RABGAP1L: variants seen among roughly 807,000 people sequenced by gnomAD.
RABGAP1L encodes RAB GTPase activating protein 1 like, also known as rab GTPase-activating protein 1-like.
In RABGAP1L, 63 loss-of-function variants were observed where a neutral mutation model predicts 137.7. The observed-to-expected ratio is 0.46, with a 90% CI of 0.37 to 0.56. The LOEUF is 0.56. RABGAP1L is among the 20% of genes least tolerant of loss of function. The pLI is 0.00. For missense variants in RABGAP1L, 1,095 were observed against 1,244.0 expected, an observed-to-expected ratio of 0.88 and a Z score of 1.80; for synonymous variants, 431 against 433.7, an observed-to-expected ratio of 0.99 and a Z score of 0.08.
intron 1 of RABGAP1L, among the ~76,000 whole-genome samples, chr1:174,202,638 A>G (rs1005007690): frequency 1.3e-5 from 2 of 152,192 alleles, no homozygotes; most frequent in Non-Finnish European, 2.9e-5. Flanking sequence ...TTTGCTGTGC[A>G]GTAGCTCTTT....
At position 174,296,575 on chromosome 1, in the gene RABGAP1L, A is replaced by G. The variant is rs113036117; in HGVS notation, c.1324-8411A>G. ...GCAGATTTGGTGTAATTCAGAAATT[A>G]TGCATCACTTGGTATTTTCTTTTTT... On this transcript the variant is annotated intron_variant, in intron 10 of 25. Coordinates refer to ENST00000681986, the MANE Select transcript of RABGAP1L (RefSeq NM_001366446.1). 1.2e-3 allele frequency among the ~76,000 whole-genome samples: 179 copies of G among 152,352 alleles called. 1 individual carries two copies. The highest frequency in any genetic ancestry group is 4.1e-3 in the African/African-American group (172 of 41,592).
intron 17 of RABGAP1L, among the ~76,000 whole-genome samples, chr1:174,722,898 A>G (rs1259679171): frequency 6.6e-6 from 1 of 152,104 alleles, no homozygotes; most frequent in Non-Finnish European, 1.5e-5. Flanking sequence ...CTCAGCCAAT[A>G]TTTTGGCTCT....
intron 13 of RABGAP1L, among the ~76,000 whole-genome samples, chr1:174,627,485 A>C (rs1673012282): frequency 6.6e-6 from 1 of 152,232 alleles, no homozygotes; most frequent in African/African-American, 2.4e-5. Context: ...CAGTTCATGT[A>C]ATACTCTTGA....
rs1656049550 is a variant in RABGAP1L, at chr1:174,456,452, G to A, written c.1710+62307G>A. The stretch of plus-strand genomic sequence containing the variant: ...TACTTTATGTTTTGAATTTTTTTTT[G>A]TAATAGATTTGCAATGTTGTTGAGT... On this transcript the variant is annotated intron_variant, in intron 13 of 25. Coordinates refer to ENST00000681986, the MANE Select transcript of RABGAP1L (RefSeq NM_001366446.1). Among the ~76,000 whole-genome samples, 3 of 151,608 alleles carry A rather than the reference G, an allele frequency of 2.0e-5. No individual in the cohort carries two copies. The South Asian group carries it at 6.2e-4, about 31-fold the overall frequency.
At chr1:174,804,274 G>GCTTTTTGTTTTT (rs1689043505) in intron 18 of RABGAP1L, among the ~76,000 whole-genome samples, 1 of 138,154 alleles carries the variant, frequency 7.2e-6, no homozygotes, top group East Asian at 2.2e-4. Context: ...GTTTTGTTTT[G>GCTTTTTGTTTTT]TTTTTTGTTT....
At chr1:174,970,465 A>T (rs940877335) in intron 21 of RABGAP1L, among the ~76,000 whole-genome samples, 4 of 152,244 alleles carry the variant, frequency 2.6e-5, no homozygotes, top group South Asian at 2.1e-4. Context: ...GGATGCAGTG[A>T]AATGAGCTAA....
chr1:174,613,507 T>G (rs145191201), intron 13 of RABGAP1L, among the ~76,000 whole-genome samples: 32,126 of 151,774 alleles, frequency 0.21, 3,713 homozygotes, highest in Admixed American at 0.25. Flanking sequence ...TAGGTGTGGT[T>G]TGGTGCTGAA....
intron 13 of RABGAP1L, among the ~76,000 whole-genome samples, chr1:174,542,202 A>G (rs369270159): frequency 2.0e-5 from 3 of 152,168 alleles, no homozygotes; most frequent in African/African-American, 4.8e-5. Context: ...GGTAGAATTC[A>G]GCTGTGAATC....
At chr1:174,786,360 A>G (rs980498612) in intron 18 of RABGAP1L, among the ~76,000 whole-genome samples, 4 of 152,232 alleles carry the variant, frequency 2.6e-5, no homozygotes, top group African/African-American at 9.6e-5. Flanking sequence ...CTATGTTACT[A>G]CTTCCATCAA....
intron 13 of RABGAP1L, among the ~76,000 whole-genome samples, chr1:174,564,389 C>G (rs1171565767): frequency 6.6e-6 from 1 of 152,126 alleles, no homozygotes; most frequent in Non-Finnish European, 1.5e-5. Flanking sequence ...AGGATATCAG[C>G]TACTCTACCA....
At chr1:174,463,839 G>A (rs971743413) in intron 13 of RABGAP1L, among the ~76,000 whole-genome samples, 9 of 151,998 alleles carry the variant, frequency 5.9e-5, no homozygotes. Context: ...AGATGTTGGT[G>A]AGGTTGCAGA....
rs554489174 is a variant in RABGAP1L at position 174,441,759 on chromosome 1, TAAA to T, written c.1710+47618_1710+47620del. 1.2e-4 allele frequency among the ~76,000 whole-genome samples: 17 copies of T among 144,920 alleles called. No individual in the cohort carries two copies. The East Asian group carries it at 2.6e-3, about 22-fold the overall frequency. ...CAAAACAAACAAACAAACAAACAAA[TAAA>T]AAACGAACAAAAAAATGAAGTAGCT... On this transcript the variant is annotated intron_variant, in intron 13 of 25. Transcript: ENST00000681986.
chr1:174,377,714 G>A (rs78326521), intron 12 of RABGAP1L, among the ~76,000 whole-genome samples: 17,880 of 150,566 alleles, frequency 0.12, 1,387 homozygotes, highest in South Asian at 0.18. Flanking sequence ...ACAAGTGTTG[G>A]CAAGAATGTG....
At chr1:174,515,700 G>A (rs923590136) in intron 13 of RABGAP1L, among the ~76,000 whole-genome samples, 1 of 152,032 alleles carries the variant, frequency 6.6e-6, no homozygotes, top group African/African-American at 2.4e-5. Context: ...ATCAGGAGTA[G>A]CCCACCATGA....
At chr1:174,968,552 G>C (rs564949549) in intron 20 of RABGAP1L, among the ~76,000 whole-genome samples, 2 of 117,680 alleles carry the variant, frequency 1.7e-5, no homozygotes, top group African/African-American at 6.5e-5. Context: ...TTTTTTGTTT[G>C]TTTTTTTATC....
intron 13 of RABGAP1L, among the ~76,000 whole-genome samples, chr1:174,496,363 G>GTGATAA (rs1402942062): frequency 1.3e-5 from 2 of 152,144 alleles, no homozygotes; most frequent in Non-Finnish European, 2.9e-5. Context: ...GATAGTGATA[G>GTGATAA]TAATAGTGAA....
intron 19 of RABGAP1L, among the ~76,000 whole-genome samples, chr1:174,826,015 G>A (rs552919308): frequency 2.6e-5 from 4 of 152,152 alleles, no homozygotes; most frequent in Non-Finnish European, 4.4e-5. Context: ...AGCTTGGTGC[G>A]CAACAGGTGG....
chr1:174,754,967 A>G (rs1402868862), intron 18 of RABGAP1L, among the ~76,000 whole-genome samples: 1 of 152,222 alleles, frequency 6.6e-6, no homozygotes, highest in Non-Finnish European at 1.5e-5. Context: ...ATTAACATAC[A>G]TTAAATGTCT....
At chr1:174,638,787 C>T (rs1200655764) in intron 14 of RABGAP1L, among the ~76,000 whole-genome samples, 1 of 146,714 alleles carries the variant, frequency 6.8e-6, no homozygotes, top group Non-Finnish European at 1.5e-5. Context: ...ATCGCAAGAA[C>T]AAAAAAGCAA....
Sources: gnomAD v4.1 joint callset for allele counts (sites outside exome capture counted in the v4.1 genomes callset) on GRCh38, gnomAD v4.1.1 for gene constraint, MANE v1.5 for transcripts, NCBI Gene and HGNC (gene_info 2026-07-23, HGNC 2026-07-21) for gene names.